The following SLC6A4 variants were observed in gnomAD, a reference collection of about 807,000 sequenced individuals.
SLC6A4 encodes sodium-dependent serotonin transporter.
In SLC6A4, 22 loss-of-function variants were observed where a neutral mutation model predicts 73.4. The ratio of observed to expected loss-of-function variants is 0.30; its 90% CI spans 0.21 to 0.43. The LOEUF (loss-of-function observed/expected upper bound fraction) is 0.43. Ranked by LOEUF, SLC6A4 falls within the 20% of genes least tolerant of loss-of-function variation. SLC6A4 has a pLI of 1.00. For synonymous variants in SLC6A4, 270 were observed against 315.5 expected (o/e 0.86, Z 1.53); for missense variants, 593 against 808.5 (o/e 0.73, Z 3.23).
chr17:30,213,953 C>T lies in SLC6A4; in HGVS notation c.1077-1086G>A, dbSNP rs56039257. The stretch of plus-strand genomic sequence containing the variant: ...GTAGAGATGGGATCTCACCATGTTG[C>T]CCAGGCTGGACTCAAACTCTTAGGC... On this transcript the variant is annotated intron_variant, in intron 8 of 14. Coordinates refer to ENST00000650711, the MANE Select transcript of SLC6A4 (RefSeq NM_001045.6). 3.7e-3 allele frequency among the ~76,000 whole-genome samples: 562 copies of T among 152,058 alleles called. 5 individuals carry two copies. Among genetic ancestry groups the T allele is most frequent in the African/African-American group, 0.013 (543 of 41,498 alleles).
chr17:30,233,939 T>C (rs1344912251), intron 1 of SLC6A4, among the ~76,000 whole-genome samples: 3 of 152,176 alleles, frequency 2.0e-5, no homozygotes, highest in Non-Finnish European at 4.4e-5. Context: ...TGTGTTTCTG[T>C]TTGGCAGCGG....
intron 1 of SLC6A4, among the ~76,000 whole-genome samples, chr17:30,231,467 ATGTGTATATATAG>A (rs1907114591): frequency 6.6e-6 from 1 of 151,442 alleles, no homozygotes; most frequent in Admixed American, 6.6e-5. Flanking sequence ...GTATGTACAT[ATGTGTATATATAG>A]TGTGTATATA....
In SLC6A4 at chr17:30,217,215, A is replaced by G; in HGVS notation, c.788T>C (p.Phe263Ser). The change falls in exon 6 of 15, where the codon TTC becomes TCC. Residue 263 changes from phenylalanine (F) to serine (S), a missense_variant. Physicochemically the swap from Phe to Ser is radical, Grantham distance 155 (BLOSUM62 -2). Coordinates refer to ENST00000650711, the MANE Select transcript of SLC6A4 (RefSeq NM_001045.6). ...CCAGATGCTGAAGTAGATAACAGTG[A>G]AGATCAGCATGATGCAGAGGGCCAG... Reference protein sequence around the residue: ...WQLALCIMLIFTVIYFSIWKG... With the variant: ...WQLALCIMLISTVIYFSIWKG... The G allele has an allele frequency of 6.2e-7, 1 of 1,614,040 alleles. No homozygotes were observed. The highest frequency in any genetic ancestry group is 8.5e-7 in the Non-Finnish European group (1 of 1,179,908).
intron 4 of SLC6A4, 22 bp downstream of exon 4, chr17:30,218,775 C>A (rs751348461): frequency 6.2e-7 from 1 of 1,613,080 alleles, no homozygotes; most frequent in Non-Finnish European, 8.5e-7. Flanking sequence ...CACTTACCCA[C>A]CCCACCGAGC....
At chr17:30,225,097 C>T (rs973836718) in intron 1 of SLC6A4, among the ~76,000 whole-genome samples, 1 of 152,138 alleles carries the variant, frequency 6.6e-6, no homozygotes, top group Non-Finnish European at 1.5e-5. Flanking sequence ...GACCGGGCAG[C>T]CTCTCCCCAC....
At chr17:30,231,407 C>T (rs1434707973) in intron 1 of SLC6A4, among the ~76,000 whole-genome samples, 1 of 150,940 alleles carries the variant, frequency 6.6e-6, no homozygotes, top group East Asian at 1.9e-4. Flanking sequence ...CACATATATA[C>T]ACTGTATGTA....
In SLC6A4 at chr17:30,207,741, C is replaced by T. The variant is rs766395298; in HGVS notation, c.1641G>A (p.Leu547=). 2.1e-5 allele frequency: 34 copies of T among 1,609,846 alleles called. No individual in the cohort carries two copies. In the Admixed American group the frequency reaches 5.5e-4, roughly 26 times the overall value. The part of the protein sequence containing the change: ...WRICWVAISP[L]FLLFIICSFL... ...GGAAATGGCAACTCACCAGGAGAAACAGAGGGCTGATGGCCACCCAGCAGA... is the reference window on the plus strand; with the variant it reads ...GGAAATGGCAACTCACCAGGAGAAATAGAGGGCTGATGGCCACCCAGCAGA... Residue 547 remains leucine, a synonymous_variant, in exon 13 of 15, where the codon CTG becomes CTA. Transcript: ENST00000650711.
In SLC6A4 at chr17:30,222,890, G is replaced by A; in HGVS notation, c.-195C>T. 1 of 1,279,340 alleles carries A rather than the reference G, an allele frequency of 7.8e-7. No individual in the cohort carries two copies. Among genetic ancestry groups the A allele is most frequent in the Non-Finnish European group, 1.0e-6 (1 of 966,478 alleles). The allele number at this position is 1,279,340 out of a possible 1,614,324, so 79.2% of individuals were successfully genotyped here. On this transcript the variant is annotated 5_prime_UTR_variant, in exon 2 of 15. Transcript: ENST00000650711. ...CTTGTTATTCTGCAAGAGAGGGCAA[G>A]CAAGGTCGCCTTGCCTCCAGGAGAC...
At position 30,198,092 on chromosome 17, in the gene SLC6A4, C is replaced by G. The variant is rs1467140857; in HGVS notation, c.*364G>C. ...GAACAGTGAAACCTTTAGAAGCAAA[C>G]AGATATCAGATACCAATGATCATAC... On this transcript the variant is annotated 3_prime_UTR_variant, in exon 15 of 15. Transcript: ENST00000650711. The G allele has an allele frequency of 4.7e-6, 1 of 213,398 alleles. No homozygotes were observed. Among genetic ancestry groups the G allele is most frequent in the Non-Finnish European group, 9.3e-6 (1 of 108,022 alleles). The allele number at this position is 213,398 out of a possible 1,614,324, so 13.2% of individuals were successfully genotyped here. A position where few individuals can be genotyped will look rare whatever the true frequency, so the allele number is the denominator to read the frequency against.
chr17:30,200,635 A>T (rs12449783), intron 14 of SLC6A4, among the ~76,000 whole-genome samples: 1 of 152,048 alleles, frequency 6.6e-6, no homozygotes, highest in African/African-American at 2.4e-5. Context: ...CAGACTAGCA[A>T]GTCTGGTATT....
intron 1 of SLC6A4, among the ~76,000 whole-genome samples, chr17:30,230,386 T>C (rs1026668239): frequency 3.9e-5 from 6 of 152,206 alleles, no homozygotes; most frequent in Admixed American, 2.6e-4. Context: ...TTGTGATAAA[T>C]ACAATTTATG....
chr17:30,213,537 A>T (rs1906455936), intron 8 of SLC6A4, among the ~76,000 whole-genome samples: 1 of 151,940 alleles, frequency 6.6e-6, no homozygotes, highest in East Asian at 1.9e-4. Flanking sequence ...TCCTGATCTC[A>T]CACTTTTAAA....
rs1165559027 is a variant in SLC6A4, at chr17:30,218,106, A to G, written c.698+12T>C. The G allele has an allele frequency of 6.2e-7, 1 of 1,611,364 alleles. No homozygotes were observed. The highest frequency in any genetic ancestry group is 8.5e-7 in the Non-Finnish European group (1 of 1,177,500). ...CCCCTAACAGGCCAACCCCTCACTTACGTGCACTTACGTGTAAAATTCTTC... is the reference window on the plus strand; with the variant it reads ...CCCCTAACAGGCCAACCCCTCACTTGCGTGCACTTACGTGTAAAATTCTTC... On this transcript the variant is annotated intron_variant, in intron 5 of 14. Coordinates refer to ENST00000650711, the MANE Select transcript of SLC6A4 (RefSeq NM_001045.6).
intron 1 of SLC6A4, 100 bp from the exon 2 acceptor site, chr17:30,223,015 C>A (rs1906819007): frequency 4.9e-6 from 2 of 408,378 alleles, no homozygotes; most frequent in Admixed American, 5.3e-5. Flanking sequence ...GCTGTGCCTT[C>A]ATTTCACCGC....
At chr17:30,216,827 C>A (rs919164725) in intron 6 of SLC6A4, among the ~76,000 whole-genome samples, 1 of 151,250 alleles carries the variant, frequency 6.6e-6, no homozygotes, top group African/African-American at 2.4e-5. Flanking sequence ...TGCCACCACA[C>A]CTGGCTATTG....
At chr17:30,218,380 G>A (rs200905865) in intron 4 of SLC6A4, 43 bp from the exon 5 acceptor site, 25 of 1,529,132 alleles carry the variant, frequency 1.6e-5, no homozygotes, top group Non-Finnish European at 2.3e-5. Context: ...CGAGTTTAAG[G>A]GTGGCCCAAC....
chr17:30,233,156 A>G lies in SLC6A4; in HGVS notation c.-221+2457T>C, dbSNP rs79858329. ...TCACTTGTCCCAAGTGTGGAGAAAC[A>G]GGCGCTTTTATGAGATGTTTCGCTC... On this transcript the variant is annotated intron_variant, in intron 1 of 14. Coordinates refer to ENST00000650711, the MANE Select transcript of SLC6A4 (RefSeq NM_001045.6). Among the ~76,000 whole-genome samples, 663 of 152,318 alleles carry G rather than the reference A, an allele frequency of 4.4e-3. 4 individuals carry two copies. The highest frequency in any genetic ancestry group is 0.015 in the African/African-American group (624 of 41,564).
intron 1 of SLC6A4, among the ~76,000 whole-genome samples, chr17:30,230,808 C>T (rs149751135): frequency 3.9e-5 from 6 of 152,190 alleles, no homozygotes; most frequent in Non-Finnish European, 5.9e-5. Context: ...GCGGAGGACA[C>T]GTGCAACCAC....
At chr17:30,213,683 G>A (rs920130880) in intron 8 of SLC6A4, among the ~76,000 whole-genome samples, 7 of 152,150 alleles carry the variant, frequency 4.6e-5, no homozygotes, top group Admixed American at 4.6e-4. Context: ...AGAGATTGAT[G>A]GATGCTGCCA....
Sources: gnomAD v4.1 joint callset for allele counts (sites outside exome capture counted in the v4.1 genomes callset) on GRCh38, gnomAD v4.1.1 for gene constraint, MANE v1.5 for transcripts, NCBI Gene and HGNC (gene_info 2026-07-23, HGNC 2026-07-21) for gene names.